RFTN1: variants seen among roughly 807,000 people sequenced by gnomAD.
RFTN1 encodes the protein raftlin.
A neutral mutation model predicts 46.5 loss-of-function variants in RFTN1; 26 were observed. The ratio of observed to expected loss-of-function variants is 0.56; its 90% CI spans 0.41 to 0.78. The LOEUF (loss-of-function observed/expected upper bound fraction) is 0.78, where lower values mean the gene tolerates loss of function less well. Ranked by LOEUF, RFTN1 falls within the 30% of genes least tolerant of loss-of-function variation. The probability of loss-of-function intolerance (pLI) is 0.00; values close to 1 mark genes in which losing one functional copy is unlikely to be tolerated. For missense variants in RFTN1, 693 were observed against 718.7 expected (o/e 0.96, Z 0.41); for synonymous variants, 261 against 284.2 (o/e 0.92, Z 0.82).
chr3:16,373,418 G>A (rs2073607577), intron 5 of RFTN1, among the ~76,000 whole-genome samples: 1 of 152,220 alleles, frequency 6.6e-6, no homozygotes, highest in South Asian at 2.1e-4. Flanking sequence ...GGGGGTGGCT[G>A]AGTCCTGCCA....
At chr3:16,412,459 T>C (rs545241751) in intron 3 of RFTN1, among the ~76,000 whole-genome samples, 2 of 152,194 alleles carry the variant, frequency 1.3e-5, no homozygotes, top group African/African-American at 2.4e-5. Context: ...ACTAATCCTA[T>C]GAAAAACAGC....
chr3:16,417,153 G>A (rs2075098009), intron 3 of RFTN1, among the ~76,000 whole-genome samples: 1 of 151,592 alleles, frequency 6.6e-6, no homozygotes, highest in African/African-American at 2.4e-5. Context: ...GGGACTACAG[G>A]CACATGCTAC....
In RFTN1 at chr3:16,342,350, A is replaced by G. The variant is rs1385027510; in HGVS notation, c.1147-15474T>C. Among the ~76,000 whole-genome samples, 5 of 152,244 alleles carry G rather than the reference A, an allele frequency of 3.3e-5. No homozygotes were observed. Among genetic ancestry groups the G allele is most frequent in the Non-Finnish European group, 5.9e-5 (4 of 68,042 alleles). On this transcript the variant is annotated intron_variant, in intron 7 of 9. Transcript: ENST00000334133. The surrounding 1 kb of genome is among the most constrained non-coding windows in gnomAD (Gnocchi z 4.0). ...TTTAGCATATGTTCAAGGTTCATAC[A>G]TGTAGCATATATCAGTAGTTTATTC... is the stretch of plus-strand genomic sequence containing the variant.
chr3:16,368,677 C>CA (rs60375407), intron 6 of RFTN1, among the ~76,000 whole-genome samples: 1,648 of 102,182 alleles, frequency 0.016, 24 homozygotes, highest in African/African-American at 0.054. Flanking sequence ...AGACTCTGTC[C>CA]AAAAAAAAAA....
chr3:16,370,954 A>T lies in RFTN1; in HGVS notation c.827-675T>A, dbSNP rs1262294387. 1.3e-5 allele frequency: 2 copies of T among 152,386 alleles called. No individual in the cohort carries two copies. Among genetic ancestry groups the T allele is most frequent in the Admixed American group, 6.5e-5 (1 of 15,300 alleles). The allele number at this position is 152,386 out of a possible 1,614,324, so 9.4% of individuals were successfully genotyped here. ...TTCATTTATAGCTCAGTTCTTCAGC[A>T]ATCAATAATCACTGCCACCCAGCAG... is the stretch of plus-strand genomic sequence containing the variant. On this transcript the variant is annotated intron_variant, in intron 5 of 9. Transcript: ENST00000334133. This position sits in a 1 kb window ranked among gnomAD's most constrained non-coding sequence, Gnocchi z 5.5.
chr3:16,501,541 AG>A lies in RFTN1; in HGVS notation c.-8-7665del, dbSNP rs1231373313. Among the ~76,000 whole-genome samples, 5 of 152,336 alleles carry A rather than the reference AG, an allele frequency of 3.3e-5. No homozygotes were observed. In the East Asian group the frequency reaches 9.6e-4, roughly 29 times the overall value. The stretch of plus-strand genomic sequence containing the variant: ...GCTGCTAATCTAAGGCAGCCTGTAA[AG>A]CTAATTTTAACAAATGCCAACAGCT... On this transcript the variant is annotated intron_variant, in intron 1 of 9. Coordinates refer to ENST00000334133, the MANE Select transcript of RFTN1 (RefSeq NM_015150.2).
chr3:16,359,763 T>TA (rs752456312), intron 6 of RFTN1, among the ~76,000 whole-genome samples: 28 of 152,198 alleles, frequency 1.8e-4, no homozygotes, highest in Non-Finnish European at 3.4e-4. Flanking sequence ...ATTTCAATGA[T>TA]ACGCTCTTTT....
At chr3:16,408,549 C>A (rs1174844184) in intron 4 of RFTN1, among the ~76,000 whole-genome samples, 2 of 149,656 alleles carry the variant, frequency 1.3e-5, no homozygotes, top group Admixed American at 1.3e-4. Context: ...CTAGGACATT[C>A]CTTCTGTAGT....
intron 6 of RFTN1, among the ~76,000 whole-genome samples, chr3:16,360,385 G>C (rs1279229245): frequency 6.6e-6 from 1 of 152,186 alleles, no homozygotes; most frequent in Non-Finnish European, 1.5e-5. Flanking sequence ...TCTCAGGCTA[G>C]TTTCGGACTG....
intron 2 of RFTN1, among the ~76,000 whole-genome samples, chr3:16,461,318 G>A (rs995040557): frequency 1.3e-5 from 2 of 151,984 alleles, no homozygotes; most frequent in Non-Finnish European, 2.9e-5. Context: ...GGTTTAACTG[G>A]GAAGCATATA....
At position 16,342,411 on chromosome 3, in the gene RFTN1, A is replaced by G. The variant is rs1313194235; in HGVS notation, c.1146+15521T>C. Among the ~76,000 whole-genome samples, 1 of 152,244 alleles carries G rather than the reference A, an allele frequency of 6.6e-6. No homozygotes were observed. The highest frequency in any genetic ancestry group is 6.5e-5 in the Admixed American group (1 of 15,284). Reference sequence around the variant, plus strand: ...CAAAATAATATTCCATCATATGGATATACCATAGTTTATTCATCATTTGAT... The same window carrying G: ...CAAAATAATATTCCATCATATGGATGTACCATAGTTTATTCATCATTTGAT... On this transcript the variant is annotated intron_variant, in intron 7 of 9. Coordinates refer to ENST00000334133, the MANE Select transcript of RFTN1 (RefSeq NM_015150.2). This position sits in a 1 kb window ranked among gnomAD's most constrained non-coding sequence, Gnocchi z 4.0.
intron 4 of RFTN1, among the ~76,000 whole-genome samples, chr3:16,394,380 A>G (rs1189995208): frequency 6.6e-6 from 1 of 152,104 alleles, no homozygotes; most frequent in Non-Finnish European, 1.5e-5. Context: ...TGTCCCTTAA[A>G]AACAAACAAA....
chr3:16,461,197 C>A (rs948556458), intron 2 of RFTN1, among the ~76,000 whole-genome samples: 1 of 152,142 alleles, frequency 6.6e-6, no homozygotes, highest in African/African-American at 2.4e-5. Flanking sequence ...AAGGAATAAG[C>A]TCTGCTATAA....
chr3:16,403,804 A>AAATATAATATATAATATATATT (rs2074695463), intron 4 of RFTN1, among the ~76,000 whole-genome samples: 1 of 7,844 alleles, frequency 1.3e-4, no homozygotes, highest in Admixed American at 2.5e-3. Flanking sequence ...TATAATATAT[A>AAATATAATATATAATATATATT]TTATATATTT....
chr3:16,438,626 G>C (rs1258264491), intron 2 of RFTN1, among the ~76,000 whole-genome samples: 3 of 140,586 alleles, frequency 2.1e-5, no homozygotes, highest in African/African-American at 7.8e-5. Flanking sequence ...AAAGAAGACA[G>C]GTTTCTATAC....
chr3:16,505,468 G>A (rs1575386356), intron 1 of RFTN1, among the ~76,000 whole-genome samples: 1 of 152,284 alleles, frequency 6.6e-6, no homozygotes, highest in East Asian at 1.9e-4. Context: ...GATAGAGAGA[G>A]ACAAATAGAG....
At position 16,351,864 on chromosome 3, in the gene RFTN1, G is replaced by A. The variant is rs2292802; in HGVS notation, c.1146+6068C>T. Among the ~76,000 whole-genome samples the A allele has an allele frequency of 0.03, 4,559 of 151,994 alleles. 100 individuals carry two copies. The highest frequency in any genetic ancestry group is 0.082 in the Middle Eastern group (24 of 294). ...GCTGAATTAGGGGTGTGTTGGGTGA[G>A]GGGACTAGAAAGACTAGAAAAAAAA... is the stretch of plus-strand genomic sequence containing the variant. On this transcript the variant is annotated intron_variant, in intron 7 of 9. Coordinates refer to ENST00000334133, the MANE Select transcript of RFTN1 (RefSeq NM_015150.2). This position sits in a 1 kb window ranked among gnomAD's most constrained non-coding sequence, Gnocchi z 5.4.
chr3:16,408,411 C>T lies in RFTN1; in HGVS notation c.441+964G>A, dbSNP rs139713676. On this transcript the variant is annotated intron_variant, in intron 4 of 9. Coordinates refer to ENST00000334133, the MANE Select transcript of RFTN1 (RefSeq NM_015150.2). ...GCTGACAATATTTATTAACAAATTCCCTAATTGGCTGATTGGACCTCAAAT... is the reference window on the plus strand; with the variant it reads ...GCTGACAATATTTATTAACAAATTCTCTAATTGGCTGATTGGACCTCAAAT... 4.8e-3 allele frequency among the ~76,000 whole-genome samples: 727 copies of T among 152,090 alleles called. 4 individuals carry two copies. The highest frequency in any genetic ancestry group is 0.034 in the Middle Eastern group (10 of 294).
chr3:16,496,844 T>C (rs944270973), intron 1 of RFTN1, among the ~76,000 whole-genome samples: 1 of 152,116 alleles, frequency 6.6e-6, no homozygotes, highest in African/African-American at 2.4e-5. Context: ...TCCAGGAGAA[T>C]AGATGAATAC....
Sources: gnomAD v4.1 joint callset for allele counts (sites outside exome capture counted in the v4.1 genomes callset) on GRCh38, gnomAD v4.1.1 for gene constraint, Gnocchi (gnomAD v3.1) non-coding constraint, MANE v1.5 for transcripts, NCBI Gene and HGNC (gene_info 2026-07-23, HGNC 2026-07-21) for gene names.